The following PDE10A variants were observed in gnomAD, a reference collection of about 807,000 sequenced individuals.
PDE10A encodes cAMP and cAMP-inhibited cGMP 3',5'-cyclic phosphodiesterase 10A.
Under a neutral mutation model 97.7 loss-of-function variants are expected in PDE10A, and 39 were observed. The ratio of observed to expected loss-of-function variants is 0.40; its 90% CI spans 0.31 to 0.52. PDE10A has a LOEUF of 0.52. Among genes scored for constraint, PDE10A ranks in the 20% least tolerant of loss-of-function variants. The pLI, the probability that PDE10A is intolerant of heterozygous loss-of-function variation, is 0.56. For missense variants in PDE10A, 731 were observed against 1,047.8 expected (o/e 0.70, Z 4.17); for synonymous variants, 371 against 376.8 (o/e 0.98, Z 0.18).
intron 1 of PDE10A, among the ~76,000 whole-genome samples, chr6:165,972,698 AG>A (rs1331209152): frequency 2.6e-5 from 4 of 152,182 alleles, no homozygotes; most frequent in Non-Finnish European, 5.9e-5. Context: ...GAGCCCTTTA[AG>A]GGACAACCCT....
At chr6:165,894,671 C>A (rs531918032) in intron 1 of PDE10A, 2 of 372,232 alleles carry the variant, frequency 5.4e-6, no homozygotes, top group East Asian at 1.5e-4. Context: ...CACATAGCAC[C>A]TTGAGGATTC....
At position 165,432,894 on chromosome 6, in the gene PDE10A, T is replaced by C. The variant is rs943307978; in HGVS notation, c.1491+80A>G. Reference sequence around the variant, plus strand: ...TAATTCATGTATTTTCAGTTTAGTATTACTTAGCAATACTAACAAGCACCT... The same window carrying C: ...TAATTCATGTATTTTCAGTTTAGTACTACTTAGCAATACTAACAAGCACCT... On this transcript the variant is annotated intron_variant, in intron 7 of 21. Coordinates refer to ENST00000539869, the MANE Select transcript of PDE10A (RefSeq NM_001385079.1). The C allele has an allele frequency of 1.1e-4, 103 of 964,708 alleles. 1 individual carries two copies. The South Asian group carries it at 1.7e-3, about 16-fold the overall frequency. 59.8% of individuals were successfully genotyped at this position (964,708 alleles called of 1,614,324 possible). A position where few individuals can be genotyped will look rare whatever the true frequency, so the allele number is the denominator to read the frequency against.
chr6:165,577,011 A>C (rs1785341940), intron 1 of PDE10A, among the ~76,000 whole-genome samples: 1 of 152,246 alleles, frequency 6.6e-6, no homozygotes, highest in Non-Finnish European at 1.5e-5. Context: ...GCCTACAGCC[A>C]AAGAGCTGAT....
intron 1 of PDE10A, among the ~76,000 whole-genome samples, chr6:165,936,063 T>C (rs1261782224): frequency 1.3e-5 from 2 of 152,212 alleles, no homozygotes; most frequent in Admixed American, 6.5e-5. Context: ...GATTTTAAAC[T>C]CATCAAAGTT....
At chr6:165,968,773 A>G (rs1462733097) in intron 1 of PDE10A, among the ~76,000 whole-genome samples, 1 of 152,238 alleles carries the variant, frequency 6.6e-6, no homozygotes, top group Non-Finnish European at 1.5e-5. Context: ...TATCTCTAAC[A>G]TCTACTCTTG....
intron 13 of PDE10A, 89 bp downstream of exon 13, chr6:165,413,411 GA>G (rs11296579): frequency 0.029 from 10,680 of 365,224 alleles, 190 homozygotes; most frequent in African/African-American, 0.099. Context: ...AAATATAAAT[GA>G]AAAAAAAAAA....
intron 1 of PDE10A, among the ~76,000 whole-genome samples, chr6:165,778,072 T>A (rs1778240009): frequency 6.6e-6 from 1 of 152,224 alleles, no homozygotes; most frequent in African/African-American, 2.4e-5. Context: ...TTTCAATTTT[T>A]AATTTTTATT....
At chr6:165,438,694 A>G (rs1382025811) in intron 5 of PDE10A, among the ~76,000 whole-genome samples, 1 of 152,198 alleles carries the variant, frequency 6.6e-6, no homozygotes, top group African/African-American at 2.4e-5. Context: ...GCAGTAACTC[A>G]TGCTTATAAT....
rs958668995 is a variant in PDE10A, at chr6:165,396,314, T to C, written c.2219+3A>G. Reference sequence around the variant, plus strand: ...GAAGAAACTGACAGAGCAACATACTTACAATTCAATTTCTTTGCAGAGACG... The same window carrying C: ...GAAGAAACTGACAGAGCAACATACTCACAATTCAATTTCTTTGCAGAGACG... On this transcript the variant is annotated splice_donor_region_variant and intron_variant, in intron 14 of 21. Transcript: ENST00000539869. The C allele has an allele frequency of 6.2e-7, 1 of 1,611,270 alleles. No homozygotes were observed. The highest frequency in any genetic ancestry group is 8.5e-7 in the Non-Finnish European group (1 of 1,178,802).
intron 1 of PDE10A, among the ~76,000 whole-genome samples, chr6:165,589,790 G>T (rs903015756): frequency 6.6e-6 from 1 of 152,226 alleles, no homozygotes; most frequent in South Asian, 2.1e-4. Flanking sequence ...TCTGCATATG[G>T]TATGAACTGC....
chr6:165,978,159 T>A (rs1784904443), intron 1 of PDE10A, among the ~76,000 whole-genome samples: 1 of 152,228 alleles, frequency 6.6e-6, no homozygotes, highest in Non-Finnish European at 1.5e-5. Flanking sequence ...TTTATTTATG[T>A]TAAAATCCAC....
chr6:165,973,263 G>A (rs1240447276), intron 1 of PDE10A, among the ~76,000 whole-genome samples: 1 of 151,954 alleles, frequency 6.6e-6, no homozygotes, highest in African/African-American at 2.4e-5. Flanking sequence ...TGATAAAAAT[G>A]TAAAAATTAG....
chr6:165,778,364 C>A (rs1778253222), intron 1 of PDE10A, among the ~76,000 whole-genome samples: 1 of 152,212 alleles, frequency 6.6e-6, no homozygotes, highest in Non-Finnish European at 1.5e-5. Flanking sequence ...GCCACCGCGC[C>A]TGGCCTACAT....
At chr6:165,505,667 A>G (rs570921594) in intron 2 of PDE10A, among the ~76,000 whole-genome samples, 5 of 152,214 alleles carry the variant, frequency 3.3e-5, no homozygotes, top group Non-Finnish European at 7.3e-5. Flanking sequence ...TTGTCTTATT[A>G]TAGCTAAAAA....
At chr6:165,571,747 C>T (rs1219280974) in intron 1 of PDE10A, among the ~76,000 whole-genome samples, 2 of 152,178 alleles carry the variant, frequency 1.3e-5, no homozygotes, top group East Asian at 1.9e-4. Flanking sequence ...TCCACAGTCA[C>T]GCTACACTGT....
chr6:165,392,877 A>G (rs537906077), intron 15 of PDE10A, 81 bp from the exon 16 acceptor site: 11 of 1,243,330 alleles, frequency 8.8e-6, no homozygotes, highest in Middle Eastern at 2.2e-4. Flanking sequence ...TTAGGTACAT[A>G]TATGTCTGTA....
At chr6:165,615,035 C>T (rs552442150) in intron 1 of PDE10A, among the ~76,000 whole-genome samples, 84 of 151,770 alleles carry the variant, frequency 5.5e-4, no homozygotes, top group African/African-American at 1.9e-3. Context: ...CATGGTGAAA[C>T]CCCATCTCTA....
At chr6:165,905,720 C>T (rs1355136990) in intron 1 of PDE10A, among the ~76,000 whole-genome samples, 1 of 151,452 alleles carries the variant, frequency 6.6e-6, no homozygotes, top group Non-Finnish European at 1.5e-5. Context: ...GACTATTAAA[C>T]ACTTGCAAGT....
intron 10 of PDE10A, among the ~76,000 whole-genome samples, chr6:165,423,919 T>A (rs1297187413): frequency 2.6e-5 from 4 of 151,876 alleles, no homozygotes; most frequent in Non-Finnish European, 1.5e-5. Flanking sequence ...ATAAAAAAGA[T>A]CCTCAAAAAA....
Sources: allele counts gnomAD v4.1 joint callset (sites outside exome capture counted in the v4.1 genomes callset), GRCh38; gene constraint gnomAD v4.1.1; transcripts MANE v1.5; gene names NCBI Gene and HGNC (gene_info 2026-07-23, HGNC 2026-07-21).